DIAPH2: variants seen among roughly 807,000 people sequenced by gnomAD.
The protein encoded by DIAPH2 is protein diaphanous homolog 2.
Under a neutral mutation model 92.7 loss-of-function variants are expected in DIAPH2, and 35 were observed. The observed-to-expected ratio is 0.38, with a 90% CI of 0.29 to 0.50. The LOEUF (loss-of-function observed/expected upper bound fraction) is 0.50, where lower values mean the gene tolerates loss of function less well. Among genes scored for constraint, DIAPH2 ranks in the 20% least tolerant of loss-of-function variants. The pLI is 0.94. For synonymous variants in DIAPH2, 301 were observed against 280.4 expected, an observed-to-expected ratio of 1.07 and a Z score of -0.73; for missense variants, 701 against 819.5, an observed-to-expected ratio of 0.86 and a Z score of 1.77.
chrX:97,384,136 A>G lies in DIAPH2; in HGVS notation c.3145+92A>G, dbSNP rs769120850. On this transcript the variant is annotated intron_variant, in intron 25 of 26. Coordinates refer to ENST00000324765, the MANE Select transcript of DIAPH2 (RefSeq NM_006729.5). ...TGGATTATAAAGTAAATTTTCATAG[A>G]AAATTCACAATAGTATTAGTTACTT... The G allele has an allele frequency of 8.2e-5, 64 of 783,162 alleles. No homozygotes were observed. In the African/African-American group the frequency reaches 1.3e-3, roughly 16 times the overall value. The allele number at this position is 783,162 out of a possible 1,213,427, so 64.5% of individuals were successfully genotyped here.
intron 17 of DIAPH2, among the ~76,000 whole-genome samples, chrX:97,054,864 G>A (rs1177103635): frequency 1.8e-5 from 2 of 110,490 alleles, no homozygotes; most frequent in Non-Finnish European, 3.8e-5. Context: ...GGAGTAAAGG[G>A]GAGGAAAAAA....
At chrX:97,530,764 T>C (rs1342639049) in intron 26 of DIAPH2, among the ~76,000 whole-genome samples, 1 of 111,709 alleles carries the variant, frequency 9.0e-6, no homozygotes, top group Non-Finnish European at 1.9e-5. Flanking sequence ...TTTGAGAAAA[T>C]AGATGACAGT....
At chrX:97,279,347 C>T (rs1399323810) in intron 23 of DIAPH2, among the ~76,000 whole-genome samples, 1 of 103,748 alleles carries the variant, frequency 9.6e-6, no homozygotes, top group East Asian at 3.0e-4. Flanking sequence ...CTGTCACCCA[C>T]GCTGGAGTGC....
intron 26 of DIAPH2, among the ~76,000 whole-genome samples, chrX:97,569,669 A>T (rs985880203): frequency 1.8e-5 from 2 of 111,197 alleles, no homozygotes; most frequent in African/African-American, 6.5e-5. Flanking sequence ...ATAAAATTAC[A>T]AAAGTTTCAA....
intron 22 of DIAPH2, among the ~76,000 whole-genome samples, chrX:97,193,098 G>A (rs1274066448): frequency 3.1e-5 from 3 of 97,733 alleles, no homozygotes; most frequent in Non-Finnish European, 4.0e-5. Context: ...CTGCAGCCTC[G>A]ACCTCCTGGG....
intron 17 of DIAPH2, among the ~76,000 whole-genome samples, chrX:97,011,891 C>CAAAAAAAAAAAAAAAAAAAAAAAA (rs1169242843): frequency 3.1e-5 from 1 of 32,201 alleles, no homozygotes; most frequent in African/African-American, 1.6e-4. Context: ...GACACTGTCT[C>CAAAAAAAAAAAAAAAAAAAAAAAA]AAAAAAAAAA....
chrX:97,176,090 G>A (rs775349222), intron 22 of DIAPH2, among the ~76,000 whole-genome samples: 1 of 112,114 alleles, frequency 8.9e-6, no homozygotes, highest in South Asian at 3.8e-4. Context: ...GCAGGGTAAA[G>A]TTGGGAATCT....
At chrX:96,922,097 C>T (rs754243161) in intron 9 of DIAPH2, among the ~76,000 whole-genome samples, 1 of 111,276 alleles carries the variant, frequency 9.0e-6, no homozygotes, top group Non-Finnish European at 1.9e-5. Context: ...GAAGTATTAT[C>T]CCCATTTTAT....
chrX:97,063,033 CAAA>C (rs56405925), intron 17 of DIAPH2, among the ~76,000 whole-genome samples: 2 of 57,408 alleles, frequency 3.5e-5, no homozygotes, highest in East Asian at 5.6e-4. Context: ...AACTCTGTCT[CAAA>C]AAAAAAAAAA....
intron 23 of DIAPH2, among the ~76,000 whole-genome samples, chrX:97,336,238 C>A (rs868286036): frequency 9.8e-6 from 1 of 101,557 alleles, no homozygotes; most frequent in African/African-American, 3.7e-5. Context: ...CTTTTCTTTT[C>A]TTTTCTTTTT....
At chrX:97,477,374 C>T (rs141603629) in intron 26 of DIAPH2, among the ~76,000 whole-genome samples, 174 of 110,844 alleles carry the variant, frequency 1.6e-3, no homozygotes, top group African/African-American at 5.3e-3. Context: ...CCTGTAATCC[C>T]GGCACTATGG....
Position 97,348,274 on chromosome X carries a change from G to C in DIAPH2, c.3003G>C (p.Leu1001Phe), listed in dbSNP as rs1336685004. ...FFGDLNNFRT[L>F]FLEAVRENNK... ...GTGATCTCAACAACTTCCGAACTTT[G>C]TTTTTGGTAAGTAATACATCTTAAA... The change falls in exon 24 of 27, where the codon TTG becomes TTC. Residue 1001 changes from leucine to phenylalanine, a missense_variant. By Grantham distance (22) the Leu-to-Phe change is conservative (BLOSUM62 0). Around this residue, in one of 3 missense-constraint regions of DIAPH2, gnomAD observed 536 missense variants for 599.3 expected, o/e 0.89. Coordinates refer to ENST00000324765, the MANE Select transcript of DIAPH2 (RefSeq NM_006729.5). 1 of 1,198,499 alleles carries C rather than the reference G, an allele frequency of 8.3e-7. No individual in the cohort carries two copies. Among genetic ancestry groups the C allele is most frequent in the Non-Finnish European group, 1.1e-6 (1 of 890,395 alleles).
At chrX:97,102,948 A>G (rs2066915867) in intron 20 of DIAPH2, among the ~76,000 whole-genome samples, 1 of 111,532 alleles carries the variant, frequency 9.0e-6, no homozygotes, top group African/African-American at 3.3e-5. Context: ...TCAAAAAAAA[A>G]GAAGGATGAG....
chrX:97,284,646 C>T (rs760055790), intron 23 of DIAPH2, among the ~76,000 whole-genome samples: 6 of 109,809 alleles, frequency 5.5e-5, no homozygotes, highest in Non-Finnish European at 9.5e-5. Flanking sequence ...ACAAGATTCC[C>T]GATAAGTGAA....
At chrX:97,195,727 C>T (rs1207929168) in intron 22 of DIAPH2, among the ~76,000 whole-genome samples, 2 of 108,291 alleles carry the variant, frequency 1.8e-5, no homozygotes, top group Non-Finnish European at 3.8e-5. Context: ...AGTCTAAGCC[C>T]GCACTGGCCT....
chrX:97,521,043 G>C (rs1048748380), intron 26 of DIAPH2, among the ~76,000 whole-genome samples: 20 of 111,336 alleles, frequency 1.8e-4, no homozygotes, highest in African/African-American at 6.2e-4. Flanking sequence ...TGGGGCCTTT[G>C]GGAGTTGATT....
At chrX:97,115,880 A>G (rs1469260320) in intron 21 of DIAPH2, among the ~76,000 whole-genome samples, 1 of 111,787 alleles carries the variant, frequency 8.9e-6, no homozygotes, top group Non-Finnish European at 1.9e-5. Flanking sequence ...TTTTTAGGCT[A>G]GAGCAAACCA....
At position 97,224,569 on chromosome X, in the gene DIAPH2, A is replaced by T. The variant is rs772514578; in HGVS notation, c.2720-23146A>T. Among the ~76,000 whole-genome samples the T allele has an allele frequency of 8.0e-5, 9 of 112,219 alleles. No homozygotes were observed. In the South Asian group the frequency reaches 3.3e-3, roughly 42 times the overall value. On this transcript the variant is annotated intron_variant, in intron 22 of 26. Coordinates refer to ENST00000324765, the MANE Select transcript of DIAPH2 (RefSeq NM_006729.5). ...CAGTAAATTATTTCTAGGTGAACAG[A>T]TATGTCTCTTAAGGGAAATATGCTA... is the stretch of plus-strand genomic sequence containing the variant.
chrX:96,945,523 A>G lies in DIAPH2; in HGVS notation c.1445-4A>G, dbSNP rs1327648936. 1 of 1,167,687 alleles carries G rather than the reference A, an allele frequency of 8.6e-7. No homozygotes were observed. On this transcript the variant is annotated splice_polypyrimidine_tract_variant and splice_region_variant and intron_variant, in intron 13 of 26. Coordinates refer to ENST00000324765, the MANE Select transcript of DIAPH2 (RefSeq NM_006729.5). ...TTCGAATCACTTTTGTTTGATCTTAATAGATTCTTGTGTGAACAAGGCGAA... is the reference window on the plus strand; with the variant it reads ...TTCGAATCACTTTTGTTTGATCTTAGTAGATTCTTGTGTGAACAAGGCGAA...
Sources: allele counts gnomAD v4.1 joint callset (sites outside exome capture counted in the v4.1 genomes callset), GRCh38; gene constraint gnomAD v4.1.1; regional missense constraint gnomAD v4.1.1; transcripts MANE v1.5; gene names NCBI Gene and HGNC (gene_info 2026-07-23, HGNC 2026-07-21).